Variants in SORL1 observed in about 807,000 individuals in gnomAD.
The protein encoded by SORL1 is sortilin-related receptor.
In SORL1, 127 loss-of-function variants were observed where a neutral mutation model predicts 273.7. The ratio of observed to expected loss-of-function variants is 0.46; its 90% CI spans 0.40 to 0.54. SORL1 has a LOEUF of 0.54. Ranked by LOEUF, SORL1 falls within the 20% of genes least tolerant of loss-of-function variation. The pLI is 0.00. For missense variants in SORL1, 2,494 were observed against 2,846.1 expected, an observed-to-expected ratio of 0.88 and a Z score of 2.81; for synonymous variants, 1,031 against 1,067.4, an observed-to-expected ratio of 0.97 and a Z score of 0.66.
Position 121,608,171 on chromosome 11 carries a change from G to A in SORL1, c.5234G>A (p.Gly1745Glu), listed in dbSNP as rs1863507243. 3 of 1,612,826 alleles carry A rather than the reference G, an allele frequency of 1.9e-6. No individual in the cohort carries two copies. Among genetic ancestry groups the A allele is most frequent in the Admixed American group, 1.7e-5 (1 of 60,006 alleles). ...TCTAAATCCATTACCACCATAAAAG[G>A]AAAAGGTAAATGATCCCAGCATTTG... ...SDSKSITTIK[G>E]KVIPPPDIHI... is the part of the protein sequence containing the mutation. Residue 1745 changes from glycine (G) to glutamate (E), a missense_variant, in exon 38 of 48, where the codon GGA becomes GAA. This residue lies in a region of SORL1 where 1,609 missense variants were observed against 1,816.4 expected (regional missense o/e 0.89). Transcript: ENST00000260197.
At chr11:121,534,185 C>T (rs1347830192) in intron 12 of SORL1, among the ~76,000 whole-genome samples, 1 of 152,178 alleles carries the variant, frequency 6.6e-6, no homozygotes, top group African/African-American at 2.4e-5. Context: ...CCTAGGAATA[C>T]ATTTCATTCT....
Position 121,550,817 on chromosome 11 carries a change from C to T in SORL1, c.2266+147C>T. 1 of 647,078 alleles carries T rather than the reference C, an allele frequency of 1.5e-6. No individual in the cohort carries two copies. The highest frequency in any genetic ancestry group is 2.6e-6 in the Non-Finnish European group (1 of 378,328). The allele number at this position is 647,078 out of a possible 1,614,324, so 40.1% of individuals were successfully genotyped here. A position where few individuals can be genotyped will look rare whatever the true frequency, so the allele number is the denominator to read the frequency against. On this transcript the variant is annotated intron_variant, in intron 16 of 47. Coordinates refer to ENST00000260197, the MANE Select transcript of SORL1 (RefSeq NM_003105.6). The surrounding 1 kb of genome is among the most constrained non-coding windows in gnomAD (Gnocchi z 5.3). ...AGCATCACAGGGCTTCCTCTTTTCC[C>T]TAAGGTTGGTTTCCACACTGAACTT...
At chr11:121,514,006 T>C in intron 7 of SORL1, 146 bp from the exon 8 acceptor site, 1 of 863,314 alleles carries the variant, frequency 1.2e-6, no homozygotes, top group Non-Finnish European at 1.7e-6. Flanking sequence ...CCAAAGCTTC[T>C]TTGCCAAGGT....
chr11:121,514,205 C>T lies in SORL1; in HGVS notation c.1095C>T (p.His365=), dbSNP rs1406592743. The change falls in exon 8 of 48, where the codon CAC becomes CAT. Residue 365 remains histidine (H), a synonymous_variant. Coordinates refer to ENST00000260197, the MANE Select transcript of SORL1 (RefSeq NM_003105.6). ...SEDQVFVCVS[H]SNNRTNLYIS... ...ACCAGGTGTTTGTGTGTGTCAGCCACAGTAACAACCGCACCAATTTATACA... is the reference window on the plus strand; with the variant it reads ...ACCAGGTGTTTGTGTGTGTCAGCCATAGTAACAACCGCACCAATTTATACA... The T allele has an allele frequency of 2.5e-6, 4 of 1,614,090 alleles. No homozygotes were observed. Among genetic ancestry groups the T allele is most frequent in the African/African-American group, 2.7e-5 (2 of 74,926 alleles).
intron 47 of SORL1, among the ~76,000 whole-genome samples, chr11:121,628,580 G>A (rs1344078496): frequency 4.6e-5 from 7 of 152,196 alleles, no homozygotes; most frequent in Non-Finnish European, 8.8e-5. Flanking sequence ...CTCGGCCCGG[G>A]CATTGGGGAT....
At position 121,496,959 on chromosome 11, in the gene SORL1, C is replaced by A; in HGVS notation, c.849C>A (p.Phe283Leu). The part of the protein sequence containing the change: ...GYSTVFRSTD[F>L]FQSRENQEVI... ...CCACTGTCTTCCGAAGTACAGATTT[C>A]TTCCAGTCCCGGGAAAACCAGGAAG... is the stretch of plus-strand genomic sequence containing the variant. The change falls in exon 6 of 48, where the codon TTC becomes TTA. Residue 283 changes from phenylalanine to leucine, a missense_variant. Transcript: ENST00000260197. 3 of 1,613,928 alleles carry A rather than the reference C, an allele frequency of 1.9e-6. No homozygotes were observed. The highest frequency in any genetic ancestry group is 2.5e-6 in the Non-Finnish European group (3 of 1,179,958).
At chr11:121,615,209 C>T (rs116004193) in intron 41 of SORL1, among the ~76,000 whole-genome samples, 154 bp downstream of exon 41, 301 of 152,244 alleles carry the variant, frequency 2.0e-3, no homozygotes, top group African/African-American at 6.9e-3. Flanking sequence ...TGTTTTCATA[C>T]GTGCATTATG....
At chr11:121,578,850 A>C (rs1546324) in intron 25 of SORL1, among the ~76,000 whole-genome samples, 2 of 152,216 alleles carry the variant, frequency 1.3e-5, no homozygotes, top group Non-Finnish European at 2.9e-5. Context: ...AAAAGACTGC[A>C]GGAAAATGCT....
intron 41 of SORL1, among the ~76,000 whole-genome samples, chr11:121,616,223 G>A (rs187424182): frequency 6.6e-6 from 1 of 152,246 alleles, no homozygotes. Flanking sequence ...TTGATTTAGG[G>A]TCTCCAATTG....
intron 39 of SORL1, 108 bp from the exon 40 acceptor site, chr11:121,612,628 G>A (rs1863583422): frequency 2.6e-6 from 2 of 773,688 alleles, no homozygotes; most frequent in Non-Finnish European, 4.3e-6. Context: ...GTAAGAATGA[G>A]ATACCCAAGG....
rs547435250 is a variant in SORL1 at position 121,632,682 on chromosome 11, A to G, written c.*3119A>G. On this transcript the variant is annotated 3_prime_UTR_variant, in exon 48 of 48. Transcript: ENST00000260197. The stretch of plus-strand genomic sequence containing the variant: ...AGGGGAAGCTTGGGAGAGCAATAGT[A>G]TGGTGAGCCCCTTAGAGATGAGCGC... The G allele has an allele frequency of 5.3e-5, 8 of 151,982 alleles. No individual in the cohort carries two copies. The highest frequency in any genetic ancestry group is 4.8e-5 in the African/African-American group (2 of 41,440). 9.4% of individuals were successfully genotyped at this position (151,982 alleles called of 1,614,324 possible).
intron 5 of SORL1, among the ~76,000 whole-genome samples, chr11:121,495,860 A>G (rs1272377212): frequency 6.6e-6 from 1 of 152,210 alleles, no homozygotes; most frequent in Non-Finnish European, 1.5e-5. Flanking sequence ...AGCTAGGAAT[A>G]CTATAGGGTA....
intron 1 of SORL1, among the ~76,000 whole-genome samples, chr11:121,453,367 C>T (rs1298843998): frequency 2.6e-5 from 4 of 152,132 alleles, no homozygotes; most frequent in Non-Finnish European, 4.4e-5. Context: ...TCATAAGTAA[C>T]GTGAATTTCA....
intron 21 of SORL1, among the ~76,000 whole-genome samples, chr11:121,565,092 A>C (rs907212237): frequency 1.3e-5 from 2 of 152,220 alleles, no homozygotes; most frequent in Non-Finnish European, 2.9e-5. Flanking sequence ...CTAATGGATC[A>C]GAGTGAAGGG....
chr11:121,601,661 C>T (rs930471663), intron 32 of SORL1, among the ~76,000 whole-genome samples: 2 of 151,090 alleles, frequency 1.3e-5, no homozygotes, highest in Non-Finnish European at 2.9e-5. Flanking sequence ...TCAAGCAATC[C>T]AGCCTCAGCC....
rs1389291962 is a variant in SORL1, at chr11:121,611,133, C to T, written c.5297C>T (p.Thr1766Ile). The T allele has an allele frequency of 1.2e-6, 2 of 1,612,630 alleles. No homozygotes were observed. Among genetic ancestry groups the T allele is most frequent in the African/African-American group, 1.3e-5 (1 of 74,870 alleles). The stretch of plus-strand genomic sequence containing the variant: ...TATGGTGAAAATTATCTAAGCTTCA[C>T]CCTGACCATGGAGAGTGATATCAAG... ...DSYGENYLSF[T>I]LTMESDIKVN... Residue 1766 changes from threonine to isoleucine, a missense_variant, in exon 39 of 48, where the codon ACC becomes ATC. This residue lies in a region of SORL1 where 1,609 missense variants were observed against 1,816.4 expected (regional missense o/e 0.89). Coordinates refer to ENST00000260197, the MANE Select transcript of SORL1 (RefSeq NM_003105.6).
chr11:121,591,170 C>T lies in SORL1; in HGVS notation c.4369+14C>T. ...GCCCCTTGCTTGGTGAGTTCTGGCC[C>T]AGGTCCTCTCCTGTGGTACCTGCTA... On this transcript the variant is annotated intron_variant, in intron 31 of 47. Transcript: ENST00000260197. The T allele has an allele frequency of 1.2e-6, 2 of 1,614,026 alleles. No individual in the cohort carries two copies. The highest frequency in any genetic ancestry group is 4.5e-5 in the East Asian group (2 of 44,884).
intron 11 of SORL1, among the ~76,000 whole-genome samples, chr11:121,532,103 G>A (rs995890644): frequency 3.3e-5 from 5 of 152,342 alleles, no homozygotes; most frequent in Admixed American, 2.6e-4. Flanking sequence ...GGCTAATACT[G>A]TCATAGTAGA....
intron 31 of SORL1, among the ~76,000 whole-genome samples, chr11:121,591,824 C>A (rs1180618674): frequency 6.6e-6 from 1 of 152,194 alleles, no homozygotes; most frequent in African/African-American, 2.4e-5. Flanking sequence ...CTTCTGTGAG[C>A]ATGTTCTTTC....
Sources: allele counts gnomAD v4.1 joint callset (sites outside exome capture counted in the v4.1 genomes callset), GRCh38; gene constraint gnomAD v4.1.1; regional missense constraint gnomAD v4.1.1; non-coding constraint Gnocchi (gnomAD v3.1); transcripts MANE v1.5; gene names NCBI Gene and HGNC (gene_info 2026-07-23, HGNC 2026-07-21).